LAMA5: variants seen among roughly 807,000 people sequenced by gnomAD.
LAMA5 encodes the protein laminin subunit alpha-5.
A neutral mutation model predicts 433.4 loss-of-function variants in LAMA5; 260 were observed. The ratio of observed to expected loss-of-function variants is 0.60; its 90% CI spans 0.54 to 0.66. The LOEUF is 0.66. Ranked by LOEUF, LAMA5 falls within the 30% of genes least tolerant of loss-of-function variation. The probability of loss-of-function intolerance (pLI) is 0.00; values close to 1 mark genes in which losing one functional copy is unlikely to be tolerated. For synonymous variants in LAMA5, 2,620 were observed against 2,226.6 expected (o/e 1.18, Z -4.97); for missense variants, 5,378 against 5,258.5 (o/e 1.02, Z -0.70).
intron 19 of LAMA5, 25 bp downstream of exon 19, chr20:62,335,192 C>G: frequency 1.2e-6 from 2 of 1,612,796 alleles, no homozygotes; most frequent in Non-Finnish European, 1.7e-6. Flanking sequence ...CCCCAAATCC[C>G]CCACACCTTG....
At chr20:62,362,694 C>T in intron 1 of LAMA5, 142 bp from the exon 2 acceptor site, 1 of 672,032 alleles carries the variant, frequency 1.5e-6, no homozygotes, top group Non-Finnish European at 2.2e-6. Context: ...CATCCACTTG[C>T]TCAGCAAACA....
rs777364168 is a variant in LAMA5, at chr20:62,329,922, C to T, written c.3980-6G>A. ...GAAGCTGGCGTTGGCGTGGCCTGGGCGGGGGAGAAAGGCAGGGTCAGGCCC... is the reference window on the plus strand; with the variant it reads ...GAAGCTGGCGTTGGCGTGGCCTGGGTGGGGGAGAAAGGCAGGGTCAGGCCC... On this transcript the variant is annotated splice_polypyrimidine_tract_variant and splice_region_variant and intron_variant, in intron 31 of 79. Coordinates refer to ENST00000252999, the MANE Select transcript of LAMA5 (RefSeq NM_005560.6). 17 of 1,609,992 alleles carry T rather than the reference C, an allele frequency of 1.1e-5. No individual in the cohort carries two copies. The highest frequency in any genetic ancestry group is 4.4e-5 in the South Asian group (4 of 90,866).
chr20:62,318,714 C>A, intron 52 of LAMA5, 64 bp from the exon 53 acceptor site: 3 of 1,580,106 alleles, frequency 1.9e-6, no homozygotes, highest in Non-Finnish European at 2.6e-6. Context: ...CCCCTGGTCT[C>A]CACTTGGTGC....
At chr20:62,338,429 C>A (rs745377937) in intron 12 of LAMA5, 39 bp downstream of exon 12, 26 of 1,607,338 alleles carry the variant, frequency 1.6e-5, no homozygotes, top group Non-Finnish European at 2.1e-5. Flanking sequence ...GTGTCCACCT[C>A]GAGCGCAGGT....
intron 3 of LAMA5, among the ~76,000 whole-genome samples, chr20:62,352,787 G>A (rs562972296): frequency 1.3e-5 from 2 of 152,198 alleles, no homozygotes; most frequent in African/African-American, 2.4e-5. Context: ...TAGGACTCCA[G>A]TACTCTTGAC....
rs1222979279 is a variant in LAMA5, at chr20:62,350,144, T to C, written c.956+1560A>G. On this transcript the variant is annotated intron_variant, in intron 6 of 79. Coordinates refer to ENST00000252999, the MANE Select transcript of LAMA5 (RefSeq NM_005560.6). Reference sequence around the variant, plus strand: ...GGTGCGGTGAGTCAGGGGATGGCAATGTCTTCCCTGCAGGCCAAGGCAAGC... The same window carrying C: ...GGTGCGGTGAGTCAGGGGATGGCAACGTCTTCCCTGCAGGCCAAGGCAAGC... Among the ~76,000 whole-genome samples, 8 of 151,808 alleles carry C rather than the reference T, an allele frequency of 5.3e-5. No individual in the cohort carries two copies. In the South Asian group the frequency reaches 1.7e-3, roughly 31 times the overall value.
chr20:62,336,540 C>A, intron 17 of LAMA5, 95 bp from the exon 18 acceptor site: 1 of 1,224,120 alleles, frequency 8.2e-7, no homozygotes, highest in South Asian at 1.3e-5. Context: ...GTGGTGAGGG[C>A]TGAGGGCCCT....
At position 62,310,835 on chromosome 20, in the gene LAMA5, G is replaced by T; in HGVS notation, c.10282-6C>A. The T allele has an allele frequency of 6.4e-7, 1 of 1,573,050 alleles. No individual in the cohort carries two copies. On this transcript the variant is annotated splice_region_variant and splice_polypyrimidine_tract_variant and intron_variant, in intron 74 of 79. Transcript: ENST00000252999. Reference sequence around the variant, plus strand: ...TTCTCCCAGCGCACGGAGACCTGGGGGCAGGAGATGGGTCAGGGTAGGGCT... The same window carrying T: ...TTCTCCCAGCGCACGGAGACCTGGGTGCAGGAGATGGGTCAGGGTAGGGCT...
chr20:62,330,635 G>A (rs1295018035), intron 30 of LAMA5, 21 bp from the exon 31 acceptor site: 4 of 1,580,718 alleles, frequency 2.5e-6, no homozygotes, highest in South Asian at 2.3e-5. Flanking sequence ...AGGCCCTAGT[G>A]AGCAGGCTGA....
At chr20:62,352,882 C>T in intron 3 of LAMA5, 1 of 472,264 alleles carries the variant, frequency 2.1e-6, no homozygotes. Context: ...ATGAAGCCAT[C>T]CAGAGGCAGC....
Position 62,312,468 on chromosome 20 carries a change from C to T in LAMA5, c.9292G>A (p.Gly3098Ser), listed in dbSNP as rs1472788382. ...RGCVKGIKAL[G>S]KYVDLKRLNT... ...AGCCGCTTGAGGTCCACATACTTGC[C>T]CAGGGCCTTGATGCCTTTGACGCAG... is the stretch of plus-strand genomic sequence containing the variant. The change falls in exon 68 of 80, where the codon GGC (glycine) becomes AGC (serine). Residue 3098 changes from glycine to serine, a missense_variant. Transcript: ENST00000252999. 1 of 1,598,380 alleles carries T rather than the reference C, an allele frequency of 6.3e-7. No individual in the cohort carries two copies. The highest frequency in any genetic ancestry group is 1.1e-5 in the South Asian group (1 of 91,016).
At chr20:62,334,776 T>C (rs7268826) in intron 20 of LAMA5, among the ~76,000 whole-genome samples, 155 bp from the exon 21 acceptor site, 179 of 14,238 alleles carry the variant, frequency 0.013, no homozygotes, top group Middle Eastern at 0.071. Flanking sequence ...AGGGCGAGGG[T>C]GAGGGCGCTG....
chr20:62,363,083 G>T (rs1019290896), intron 1 of LAMA5, among the ~76,000 whole-genome samples: 14 of 152,178 alleles, frequency 9.2e-5, no homozygotes, highest in Admixed American at 2.0e-4. Context: ...CCAGGGGGCG[G>T]AAGGGGGAGC....
At position 62,330,726 on chromosome 20, in the gene LAMA5, G is replaced by A. The variant is rs1980214303; in HGVS notation, c.3852+17C>T. 2.6e-6 allele frequency: 4 copies of A among 1,557,032 alleles called. No individual in the cohort carries two copies. The East Asian group carries it at 9.6e-5, about 37-fold the overall frequency. ...CTGCCCTGACACCCCCGTCCCTCTA[G>A]AGACTATGGCCCTCACCTGGGGCTC... is the stretch of plus-strand genomic sequence containing the variant. On this transcript the variant is annotated intron_variant, in intron 30 of 79. Coordinates refer to ENST00000252999, the MANE Select transcript of LAMA5 (RefSeq NM_005560.6).
At chr20:62,352,762 G>A (rs73313238) in intron 3 of LAMA5, among the ~76,000 whole-genome samples, 18 of 152,260 alleles carry the variant, frequency 1.2e-4, no homozygotes, top group East Asian at 5.8e-4. Context: ...GGCCAGGGAC[G>A]GCCAGCATCC....
chr20:62,327,643 G>A lies in LAMA5; in HGVS notation c.4824C>T (p.Asp1608=), dbSNP rs1231488164. Residue 1608 remains aspartate, a synonymous_variant, in exon 37 of 80, where the codon GAC becomes GAT. Transcript: ENST00000252999. ...CKENVQGPKC[D]QCSLGTFSLD... ...GTGAGAAGGTCCCAAGGCTGCACTG[G>A]TCACATTTGGGGCCCTGCACGTTCT... 4 of 1,613,186 alleles carry A rather than the reference G, an allele frequency of 2.5e-6. No homozygotes were observed. The highest frequency in any genetic ancestry group is 2.2e-5 in the South Asian group (2 of 91,086).
chr20:62,345,310 TTTTTTTTTTTTTTTTCTA>T (rs1256927470), intron 11 of LAMA5: 1 of 2,162 alleles, frequency 4.6e-4, no homozygotes, highest in Admixed American at 3.9e-3. Context: ...ACCAATTTTC[TTTTTTTTTTTTTTTTCTA>T]TTTTTTTTTT....
intron 6 of LAMA5, among the ~76,000 whole-genome samples, chr20:62,349,841 T>C (rs370651604): frequency 7.9e-4 from 55 of 69,234 alleles, no homozygotes; most frequent in Middle Eastern, 6.3e-3. Context: ...GGGGTGATGA[T>C]GGTGGGAGTG....
Position 62,311,726 on chromosome 20 carries a change from G to C in LAMA5, c.9694C>G (p.Pro3232Ala). ...CCCTCAGGCTGCGGCTGGAGCTCGG[G>C]GGGTGGTCCCCGGTGGGGCTTCATC... ...QQMKPHRGPP[P>A]ELQPQPEGPP... Residue 3232 changes from proline to alanine, a missense_variant, in exon 71 of 80, where the codon CCC (proline) becomes GCC (alanine). By Grantham distance (27) the Pro-to-Ala change is conservative (BLOSUM62 -1). Coordinates refer to ENST00000252999, the MANE Select transcript of LAMA5 (RefSeq NM_005560.6). 4 of 1,563,994 alleles carry C rather than the reference G, an allele frequency of 2.6e-6. No individual in the cohort carries two copies. The highest frequency in any genetic ancestry group is 3.5e-6 in the Non-Finnish European group (4 of 1,155,446).
Sources: allele counts gnomAD v4.1 joint callset (sites outside exome capture counted in the v4.1 genomes callset), GRCh38; gene constraint gnomAD v4.1.1; transcripts MANE v1.5; gene names NCBI Gene and HGNC (gene_info 2026-07-23, HGNC 2026-07-21).